Variants in PHKB observed in about 807,000 individuals in gnomAD.
The protein encoded by PHKB is phosphorylase kinase regulatory subunit beta.
A neutral mutation model predicts 152.1 loss-of-function variants in PHKB; 122 were observed. The observed-to-expected ratio is 0.80, with a 90% CI of 0.69 to 0.93. The LOEUF (loss-of-function observed/expected upper bound fraction) is 0.93. Ranked by LOEUF, PHKB falls within the 40% of genes least tolerant of loss-of-function variation. The pLI, the probability that PHKB is intolerant of heterozygous loss-of-function variation, is 0.00. For missense variants in PHKB, 1,304 were observed against 1,328.4 expected, an observed-to-expected ratio of 0.98 and a Z score of 0.29; for synonymous variants, 436 against 464.9, an observed-to-expected ratio of 0.94 and a Z score of 0.80.
intron 23 of PHKB, among the ~76,000 whole-genome samples, 161 bp from the exon 24 acceptor site, chr16:47,663,516 A>G (rs1331601634): frequency 1.3e-5 from 2 of 152,198 alleles, no homozygotes; most frequent in Non-Finnish European, 2.9e-5. Context: ...CACACTCTAT[A>G]TATTTGAGTT....
In PHKB at chr16:47,615,271, C is replaced by T. The variant is rs1016671776; in HGVS notation, c.1458+4351C>T. On this transcript the variant is annotated intron_variant, in intron 14 of 30. Transcript: ENST00000323584. ...AGTAGACCTGTCATTGCTTTGAACCCTCTGCAGGTGAATTGGACTGCCCAA... is the reference window on the plus strand; with the variant it reads ...AGTAGACCTGTCATTGCTTTGAACCTTCTGCAGGTGAATTGGACTGCCCAA... Among the ~76,000 whole-genome samples, 3 of 152,278 alleles carry T rather than the reference C, an allele frequency of 2.0e-5. No individual in the cohort carries two copies. The Middle Eastern group carries it at 0.01, about 518-fold the overall frequency.
At chr16:47,607,958 C>T (rs1242522880) in intron 13 of PHKB, among the ~76,000 whole-genome samples, 1 of 151,624 alleles carries the variant, frequency 6.6e-6, no homozygotes, top group Non-Finnish European at 1.5e-5. Context: ...TTTTCATGTG[C>T]TTATTGGTAA....
At chr16:47,463,897 AGCTTAGCCTGCGAC>A (rs1969619815) in intron 1 of PHKB, 1 of 1,612,340 alleles carries the variant, frequency 6.2e-7, no homozygotes, top group Non-Finnish European at 8.5e-7. Context: ...AAATTGCTAT[AGCTTAGCCTGCGAC>A]GCTTATGATT....
chr16:47,479,212 G>A (rs1469079870), intron 1 of PHKB, among the ~76,000 whole-genome samples: 2 of 152,176 alleles, frequency 1.3e-5, no homozygotes, highest in South Asian at 2.1e-4. Flanking sequence ...GATTGTGATT[G>A]TGAGAGTTGA....
chr16:47,469,507 C>G (rs1042547037), intron 1 of PHKB, among the ~76,000 whole-genome samples: 1 of 152,054 alleles, frequency 6.6e-6, no homozygotes, highest in African/African-American at 2.4e-5. Flanking sequence ...GAACAGAAAA[C>G]CAAATACTAC....
At chr16:47,616,148 T>C (rs1972510128) in intron 14 of PHKB, among the ~76,000 whole-genome samples, 1 of 152,200 alleles carries the variant, frequency 6.6e-6, no homozygotes, top group East Asian at 1.9e-4. Flanking sequence ...TTGGTGTCAT[T>C]TGAAGCACGG....
chr16:47,561,069 T>G (rs905032440), intron 7 of PHKB, among the ~76,000 whole-genome samples: 1 of 152,222 alleles, frequency 6.6e-6, no homozygotes, highest in Non-Finnish European at 1.5e-5. Context: ...TTCATTCTTT[T>G]GCCAAGAAAT....
chr16:47,503,077 G>A lies in PHKB; in HGVS notation c.392G>A (p.Arg131His), dbSNP rs377351270. Reference protein sequence around the residue: ...CMRGILYCYMRQADKVQQFKQ... With the variant: ...CMRGILYCYMHQADKVQQFKQ... ...AGAGGAATTCTCTACTGCTATATGCGTCAGGCCGATAAGGTAAAACATTGT... is the reference window on the plus strand; with the variant it reads ...AGAGGAATTCTCTACTGCTATATGCATCAGGCCGATAAGGTAAAACATTGT... The change falls in exon 4 of 31, where the codon CGT becomes CAT. Residue 131 changes from arginine to histidine, a missense_variant. Arg to His is a conservative substitution (Grantham distance 29). Coordinates refer to ENST00000323584, the MANE Select transcript of PHKB (RefSeq NM_000293.3). 3.6e-5 allele frequency: 57 copies of A among 1,601,484 alleles called. No homozygotes were observed. The highest frequency in any genetic ancestry group is 1.6e-4 in the Middle Eastern group (1 of 6,066).
chr16:47,528,021 C>T (rs1201515228), intron 6 of PHKB, among the ~76,000 whole-genome samples: 1 of 152,074 alleles, frequency 6.6e-6, no homozygotes, highest in Non-Finnish European at 1.5e-5. Context: ...TATATGGCAG[C>T]CTTAGCAAAG....
chr16:47,500,009 A>G (rs1034752129), intron 3 of PHKB, 115 bp downstream of exon 3: 24 of 1,146,490 alleles, frequency 2.1e-5, no homozygotes, highest in African/African-American at 1.1e-4. Context: ...TGTGCGACCT[A>G]TGACTGCTCA....
chr16:47,534,659 G>A (rs1489042202), intron 6 of PHKB, among the ~76,000 whole-genome samples: 1 of 152,192 alleles, frequency 6.6e-6, no homozygotes, highest in African/African-American at 2.4e-5. Flanking sequence ...TTTCCCTCAA[G>A]ATATTTATTA....
intron 3 of PHKB, among the ~76,000 whole-genome samples, chr16:47,500,345 AT>A (rs1597033885): frequency 6.6e-6 from 1 of 152,078 alleles, no homozygotes; most frequent in East Asian, 1.9e-4. Context: ...AAACCGTTTC[AT>A]TTTTCTAAGA....
chr16:47,627,503 T>C (rs1324004954), intron 14 of PHKB, among the ~76,000 whole-genome samples: 1 of 152,244 alleles, frequency 6.6e-6, no homozygotes, highest in Non-Finnish European at 1.5e-5. Flanking sequence ...AAAGAACTGC[T>C]GTCAAAAAGC....
chr16:47,597,472 C>T (rs1438889804), intron 13 of PHKB, among the ~76,000 whole-genome samples: 1 of 151,986 alleles, frequency 6.6e-6, no homozygotes, highest in Non-Finnish European at 1.5e-5. Flanking sequence ...TAAGTTAATG[C>T]TGTTTTCAGT....
At chr16:47,591,890 T>C (rs188680105) in intron 10 of PHKB, among the ~76,000 whole-genome samples, 1 of 152,258 alleles carries the variant, frequency 6.6e-6, no homozygotes, top group Admixed American at 6.5e-5. Context: ...CTCCTAAAAA[T>C]CCTAAAATTC....
intron 26 of PHKB, among the ~76,000 whole-genome samples, chr16:47,687,667 T>C (rs895538491): frequency 2.6e-5 from 4 of 152,214 alleles, no homozygotes; most frequent in African/African-American, 9.6e-5. Flanking sequence ...AAAATTAGTA[T>C]GTTTCATCCT....
chr16:47,541,683 G>C (rs1370752259), intron 6 of PHKB, among the ~76,000 whole-genome samples: 1 of 152,114 alleles, frequency 6.6e-6, no homozygotes, highest in African/African-American at 2.4e-5. Flanking sequence ...TTTAATGATT[G>C]CCATTCTAAC....
intron 26 of PHKB, among the ~76,000 whole-genome samples, chr16:47,677,364 G>C (rs2142087775): frequency 6.6e-6 from 1 of 152,328 alleles, no homozygotes; most frequent in Non-Finnish European, 1.5e-5. Context: ...TCCATCGTCT[G>C]TCATTTGGTG....
chr16:47,488,970 T>C (rs1034612162), intron 1 of PHKB, among the ~76,000 whole-genome samples: 6 of 152,226 alleles, frequency 3.9e-5, no homozygotes, highest in African/African-American at 1.4e-4. Flanking sequence ...TTTTTTTCTA[T>C]TTCTGTGTAA....
Sources: gnomAD v4.1 joint callset for allele counts (sites outside exome capture counted in the v4.1 genomes callset) on GRCh38, gnomAD v4.1.1 for gene constraint, MANE v1.5 for transcripts, NCBI Gene and HGNC (gene_info 2026-07-23, HGNC 2026-07-21) for gene names.